The following SCFD2 variants were observed in gnomAD, a reference collection of about 807,000 sequenced individuals.
The protein encoded by SCFD2 is sec1 family domain-containing protein 2.
SCFD2 carries 54 observed loss-of-function variants against 58.9 expected under a neutral mutation model. That is an observed-to-expected ratio of 0.92 (90% CI 0.74 to 1.15). The LOEUF is 1.15. Among genes scored for constraint, SCFD2 ranks in the 50% most tolerant of loss-of-function variants. SCFD2 has a pLI of 0.00. For synonymous variants in SCFD2, 321 were observed against 335.9 expected, an observed-to-expected ratio of 0.96 and a Z score of 0.49; for missense variants, 805 against 836.6, an observed-to-expected ratio of 0.96 and a Z score of 0.47.
intron 5 of SCFD2, among the ~76,000 whole-genome samples, chr4:53,100,086 A>G (rs955924156): frequency 1.3e-5 from 2 of 152,166 alleles, no homozygotes; most frequent in Non-Finnish European, 2.9e-5. Flanking sequence ...GAAGAAAACA[A>G]TAATAATAAT....
chr4:52,899,194 G>A (rs909145815), intron 7 of SCFD2, among the ~76,000 whole-genome samples: 2 of 152,178 alleles, frequency 1.3e-5, no homozygotes, highest in Admixed American at 6.5e-5. Context: ...CTGTCATTAT[G>A]ATGTTAGCTG....
At chr4:53,310,884 T>A (rs1732669553) in intron 3 of SCFD2, among the ~76,000 whole-genome samples, 1 of 152,206 alleles carries the variant, frequency 6.6e-6, no homozygotes, top group African/African-American at 2.4e-5. Context: ...GAGTCTATAA[T>A]TAAAATCTGT....
chr4:53,057,110 G>A (rs761518389), intron 5 of SCFD2, among the ~76,000 whole-genome samples: 3 of 152,124 alleles, frequency 2.0e-5, no homozygotes, highest in East Asian at 1.9e-4. Context: ...ACTTGAACCT[G>A]GGAGGTGGAG....
At chr4:53,327,213 C>A (rs1733230140) in intron 2 of SCFD2, among the ~76,000 whole-genome samples, 1 of 151,448 alleles carries the variant, frequency 6.6e-6, no homozygotes, top group African/African-American at 2.4e-5. Context: ...GGGATCCAAG[C>A]AGGAAGAGGA....
chr4:53,310,318 G>A (rs905330577), intron 3 of SCFD2, among the ~76,000 whole-genome samples: 1 of 152,156 alleles, frequency 6.6e-6, no homozygotes, highest in Non-Finnish European at 1.5e-5. Flanking sequence ...TAATATAATA[G>A]AATAGTTCTG....
intron 5 of SCFD2, among the ~76,000 whole-genome samples, chr4:52,968,189 C>A (rs1388988972): frequency 6.6e-6 from 1 of 152,158 alleles, no homozygotes; most frequent in East Asian, 1.9e-4. Context: ...CTCATTTAGA[C>A]CGGGGCTACT....
chr4:53,140,908 A>G (rs749208401), intron 5 of SCFD2, among the ~76,000 whole-genome samples: 2 of 152,170 alleles, frequency 1.3e-5, no homozygotes, highest in Admixed American at 6.5e-5. Context: ...AATTTTTAGT[A>G]TACAAAAATG....
At chr4:52,892,400 G>C (rs1390613567) in intron 7 of SCFD2, among the ~76,000 whole-genome samples, 1 of 152,016 alleles carries the variant, frequency 6.6e-6, no homozygotes. Context: ...AATGTAAACT[G>C]GTTATATATT....
intron 4 of SCFD2, among the ~76,000 whole-genome samples, chr4:53,178,625 A>C (rs1727428634): frequency 6.6e-6 from 1 of 152,254 alleles, no homozygotes; most frequent in Non-Finnish European, 1.5e-5. Context: ...GCTCCTCACC[A>C]GCAATGGAAC....
intron 4 of SCFD2, among the ~76,000 whole-genome samples, chr4:53,269,348 A>G (rs568914068): frequency 6.6e-6 from 1 of 152,220 alleles, no homozygotes; most frequent in East Asian, 1.9e-4. Flanking sequence ...AAGAACTATG[A>G]AAGTAATATG....
chr4:53,138,236 A>T (rs1401795186), intron 5 of SCFD2, among the ~76,000 whole-genome samples: 9 of 152,184 alleles, frequency 5.9e-5, no homozygotes. Context: ...TTACGTTTAT[A>T]TCAAGGTTCA....
intron 4 of SCFD2, among the ~76,000 whole-genome samples, chr4:53,148,400 C>T (rs1011664983): frequency 2.0e-5 from 3 of 152,140 alleles, no homozygotes; most frequent in African/African-American, 4.8e-5. Context: ...ATGCATCCCA[C>T]GAAGCCTATA....
intron 5 of SCFD2, among the ~76,000 whole-genome samples, chr4:53,076,944 A>G (rs187508689): frequency 3.9e-4 from 60 of 152,328 alleles, no homozygotes; most frequent in African/African-American, 1.3e-3. Flanking sequence ...GCTCACTCAA[A>G]GTATGCCAAG....
chr4:53,246,990 A>C (rs1730100411), intron 4 of SCFD2, among the ~76,000 whole-genome samples: 1 of 145,444 alleles, frequency 6.9e-6, no homozygotes, highest in South Asian at 2.2e-4. Context: ...GAACTTAAAA[A>C]ATTTACAAAA....
intron 5 of SCFD2, among the ~76,000 whole-genome samples, chr4:52,986,491 A>ATTTTTTTTTTTTTTTTTTTTTTTTTTT (rs369944739): frequency 1.2e-5 from 1 of 84,924 alleles, no homozygotes; most frequent in Non-Finnish European, 2.1e-5. Context: ...TCTTCATGAA[A>ATTTTTTTTTTTTTTTTTTTTTTTTTTT]TTTTTTTTTT....
intron 7 of SCFD2, among the ~76,000 whole-genome samples, chr4:52,899,179 T>G (rs929127429): frequency 2.6e-5 from 4 of 152,242 alleles, no homozygotes; most frequent in Admixed American, 2.6e-4. Flanking sequence ...TGTGTGAATT[T>G]GATCCTGTCA....
intron 3 of SCFD2, among the ~76,000 whole-genome samples, chr4:53,303,287 C>G (rs566232476): frequency 3.9e-5 from 6 of 152,194 alleles, no homozygotes; most frequent in African/African-American, 1.4e-4. Context: ...GAAAAGTGGG[C>G]GAAGGATATG....
At chr4:53,282,359 T>A (rs570557388) in intron 3 of SCFD2, among the ~76,000 whole-genome samples, 3 of 152,206 alleles carry the variant, frequency 2.0e-5, no homozygotes, top group African/African-American at 7.2e-5. Flanking sequence ...ATATTCTCTC[T>A]CCTTTGTTCC....
chr4:53,245,271 C>T (rs2149029681), intron 4 of SCFD2, among the ~76,000 whole-genome samples: 1 of 152,018 alleles, frequency 6.6e-6, no homozygotes, highest in African/African-American at 2.4e-5. Flanking sequence ...CCCGAATTAT[C>T]CTGATAGAAA....
Sources: allele counts gnomAD v4.1 joint callset (sites outside exome capture counted in the v4.1 genomes callset), GRCh38; gene constraint gnomAD v4.1.1; transcripts MANE v1.5; gene names NCBI Gene and HGNC (gene_info 2026-07-23, HGNC 2026-07-21).